The following SYN3 variants were observed in gnomAD, a reference collection of about 807,000 sequenced individuals.
SYN3 encodes the protein synapsin-3.
SYN3 carries 35 observed loss-of-function variants against 65.8 expected under a neutral mutation model. The ratio of observed to expected loss-of-function variants is 0.53; its 90% CI spans 0.41 to 0.70. The LOEUF (loss-of-function observed/expected upper bound fraction) is 0.70, where lower values mean the gene tolerates loss of function less well. Ranked by LOEUF, SYN3 falls within the 30% of genes least tolerant of loss-of-function variation. SYN3 has a pLI of 0.00. For synonymous variants in SYN3, 270 were observed against 292.9 expected (o/e 0.92, Z 0.80); for missense variants, 680 against 749.0 (o/e 0.91, Z 1.08).
chr22:33,036,568 T>C (rs1816342557), intron 1 of SYN3, among the ~76,000 whole-genome samples: 1 of 152,120 alleles, frequency 6.6e-6, no homozygotes, highest in Non-Finnish European at 1.5e-5. Context: ...TTCTATCAGC[T>C]TCCCCATATA....
intron 13 of SYN3, among the ~76,000 whole-genome samples, chr22:32,515,369 T>G (rs969757534): frequency 6.6e-6 from 1 of 152,182 alleles, no homozygotes; most frequent in Non-Finnish European, 1.5e-5. Context: ...ATTGCAATCC[T>G]TATAATAACC....
At chr22:32,781,266 T>C (rs1011100839) in intron 6 of SYN3, among the ~76,000 whole-genome samples, 4 of 152,128 alleles carry the variant, frequency 2.6e-5, no homozygotes, top group Admixed American at 6.5e-5. Context: ...TTCACTCTTA[T>C]CTGACTCCTC....
At chr22:32,727,189 C>T (rs1399294482) in intron 6 of SYN3, among the ~76,000 whole-genome samples, 1 of 152,078 alleles carries the variant, frequency 6.6e-6, no homozygotes, top group East Asian at 1.9e-4. Context: ...CCCCATGTGT[C>T]CTTGTGTTCT....
At chr22:32,729,787 T>A (rs1030832632) in intron 6 of SYN3, among the ~76,000 whole-genome samples, 1 of 152,196 alleles carries the variant, frequency 6.6e-6, no homozygotes, top group African/African-American at 2.4e-5. Context: ...TGAAGGTCAT[T>A]GGAATCCCTT....
chr22:32,955,057 C>T (rs150046576), intron 3 of SYN3, among the ~76,000 whole-genome samples: 2 of 151,796 alleles, frequency 1.3e-5, no homozygotes, highest in Admixed American at 6.6e-5. Context: ...GTGCAGACCT[C>T]GCCTTCTTGT....
chr22:32,960,499 C>T (rs2051614109), intron 3 of SYN3, among the ~76,000 whole-genome samples: 1 of 152,228 alleles, frequency 6.6e-6, no homozygotes, highest in Admixed American at 6.5e-5. Flanking sequence ...CCTGTGCCCC[C>T]CGCCTGCATG....
chr22:32,586,445 A>T (rs1217073433), intron 7 of SYN3, among the ~76,000 whole-genome samples: 1 of 152,196 alleles, frequency 6.6e-6, no homozygotes, highest in Non-Finnish European at 1.5e-5. Flanking sequence ...CTCATGCCTA[A>T]ATGAAACTTA....
At chr22:32,961,227 TG>T (rs571100883) in intron 3 of SYN3, among the ~76,000 whole-genome samples, 92 of 152,250 alleles carry the variant, frequency 6.0e-4, no homozygotes, top group African/African-American at 2.0e-3. Flanking sequence ...TGTCTCCTGT[TG>T]GGGGGATTGG....
chr22:32,898,919 G>A (rs146482783), intron 4 of SYN3, among the ~76,000 whole-genome samples: 1,903 of 152,292 alleles, frequency 0.012, 22 homozygotes, highest in Middle Eastern at 0.031. Context: ...TAGCCAACAT[G>A]GTGAAACCCC....
intron 7 of SYN3, among the ~76,000 whole-genome samples, chr22:32,552,622 C>T (rs538646484): frequency 2.0e-5 from 3 of 152,042 alleles, no homozygotes; most frequent in Non-Finnish European, 4.4e-5. Flanking sequence ...GATGTGGCCC[C>T]TTTTTTGTGT....
chr22:32,918,462 C>G (rs572784729), intron 4 of SYN3, among the ~76,000 whole-genome samples: 1 of 152,258 alleles, frequency 6.6e-6, no homozygotes, highest in East Asian at 1.9e-4. Context: ...GCTATCTAGA[C>G]CTTCTGTTCT....
At chr22:32,536,530 A>G (rs1403528694) in intron 9 of SYN3, among the ~76,000 whole-genome samples, 1 of 152,226 alleles carries the variant, frequency 6.6e-6, no homozygotes, top group East Asian at 1.9e-4. Context: ...CTCCCACTCC[A>G]GTCTCCAGGG....
At chr22:32,642,645 G>A (rs754432556) in intron 6 of SYN3, among the ~76,000 whole-genome samples, 1 of 151,680 alleles carries the variant, frequency 6.6e-6, no homozygotes, top group Non-Finnish European at 1.5e-5. Flanking sequence ...TTTCACCGTG[G>A]TCTCGATCTC....
In SYN3 at chr22:32,527,936, G is replaced by T. The variant is rs755212045; in HGVS notation, c.1300C>A (p.Pro434Thr). The change falls in exon 12 of 14, where the codon CCA becomes ACA. Residue 434 changes from proline to threonine, a missense_variant. Pro to Thr is a conservative substitution (Grantham distance 38). Coordinates refer to ENST00000358763, the MANE Select transcript of SYN3 (RefSeq NM_003490.4). ...QLGPQLGQPQ[P>T]RPPPQGGPRQ... is the part of the protein sequence containing the mutation. ...GTCATACCTTGCGGAGGTGGGCGTG[G>T]CTGGGGCTGGCCTAGCTGAGGCCCC... The T allele has an allele frequency of 1.3e-6, 2 of 1,589,432 alleles. No homozygotes were observed. The highest frequency in any genetic ancestry group is 2.3e-5 in the South Asian group (2 of 87,686).
intron 6 of SYN3, among the ~76,000 whole-genome samples, chr22:32,822,995 G>A (rs1194844177): frequency 6.6e-6 from 1 of 152,150 alleles, no homozygotes; most frequent in African/African-American, 2.4e-5. Flanking sequence ...CTGAATGTCT[G>A]TATACTAAAT....
chr22:32,791,454 G>C (rs908225185), intron 6 of SYN3, among the ~76,000 whole-genome samples: 3 of 152,020 alleles, frequency 2.0e-5, no homozygotes, highest in Non-Finnish European at 4.4e-5. Flanking sequence ...GCCCTACTAA[G>C]TGTCACTTCT....
intron 7 of SYN3, 64 bp downstream of exon 7, chr22:32,596,610 G>T: frequency 6.4e-7 from 1 of 1,555,372 alleles, no homozygotes; most frequent in Non-Finnish European, 8.8e-7. Flanking sequence ...GAGGGAGAGA[G>T]GAACAGGTAG....
chr22:32,671,568 C>T (rs2060365635), intron 6 of SYN3, among the ~76,000 whole-genome samples: 1 of 134,868 alleles, frequency 7.4e-6, no homozygotes, highest in Non-Finnish European at 1.7e-5. Flanking sequence ...CACACATGCT[C>T]TCAAACAAGT....
intron 6 of SYN3, among the ~76,000 whole-genome samples, chr22:32,743,514 G>T (rs1396017510): frequency 6.6e-6 from 1 of 152,152 alleles, no homozygotes; most frequent in African/African-American, 2.4e-5. Context: ...GACGCTGAAG[G>T]CTGAGACAAC....
Sources: gnomAD v4.1 joint callset for allele counts (sites outside exome capture counted in the v4.1 genomes callset) on GRCh38, gnomAD v4.1.1 for gene constraint, MANE v1.5 for transcripts, NCBI Gene and HGNC (gene_info 2026-07-23, HGNC 2026-07-21) for gene names.